ARHGEF33: variants seen among roughly 807,000 people sequenced by gnomAD.
The protein encoded by ARHGEF33 is DH and coiled-coil domain-containing protein ENSP00000381780.
Under a neutral mutation model 101.9 loss-of-function variants are expected in ARHGEF33, and 72 were observed. The ratio of observed to expected loss-of-function variants is 0.71; its 90% CI spans 0.58 to 0.86. The LOEUF is 0.86. Among genes scored for constraint, ARHGEF33 ranks in the 40% least tolerant of loss-of-function variants. The probability of loss-of-function intolerance (pLI) is 0.00; values close to 1 mark genes in which losing one functional copy is unlikely to be tolerated. For synonymous variants in ARHGEF33, 499 were observed against 442.5 expected, an observed-to-expected ratio of 1.13 and a Z score of -1.60; for missense variants, 1,169 against 1,111.3, an observed-to-expected ratio of 1.05 and a Z score of -0.74.
At chr2:38,919,965 C>T (rs1358215028) in intron 3 of ARHGEF33, among the ~76,000 whole-genome samples, 2 of 152,144 alleles carry the variant, frequency 1.3e-5, no homozygotes, top group African/African-American at 2.4e-5. Flanking sequence ...GTTATTATAC[C>T]AGGCTGTTGG....
At chr2:38,898,474 G>A (rs1666168533) in intron 2 of ARHGEF33, among the ~76,000 whole-genome samples, 1 of 152,190 alleles carries the variant, frequency 6.6e-6, no homozygotes, top group South Asian at 2.1e-4. Flanking sequence ...GATGGGCCAC[G>A]TGACTTCCCA....
chr2:38,959,112 C>T (rs1466085008), intron 15 of ARHGEF33, among the ~76,000 whole-genome samples: 1 of 152,224 alleles, frequency 6.6e-6, no homozygotes, highest in Non-Finnish European at 1.5e-5. Context: ...AAGTCCAGAA[C>T]AACTGGACAT....
At chr2:38,929,681 T>C (rs1666950098) in intron 5 of ARHGEF33, 28 bp from the exon 6 acceptor site, 1 of 1,547,158 alleles carries the variant, frequency 6.5e-7, no homozygotes, top group Non-Finnish European at 8.7e-7. Context: ...ATGTACCACG[T>C]TAAAACATAG....
chr2:38,919,795 C>T (rs1666714676), intron 3 of ARHGEF33, among the ~76,000 whole-genome samples: 1 of 152,182 alleles, frequency 6.6e-6, no homozygotes, highest in African/African-American at 2.4e-5. Context: ...AATGCTTTCT[C>T]TTTTAATCTT....
chr2:38,967,701 G>A (rs1233185604), intron 17 of ARHGEF33, among the ~76,000 whole-genome samples: 3 of 151,442 alleles, frequency 2.0e-5, no homozygotes, highest in Admixed American at 6.6e-5. Flanking sequence ...CCTGCCTCCT[G>A]AGTAGCTGGG....
intron 17 of ARHGEF33, 68 bp from the exon 18 acceptor site, chr2:38,973,642 GGATA>G: frequency 1.4e-6 from 2 of 1,400,068 alleles, no homozygotes; most frequent in Non-Finnish European, 1.9e-6. Context: ...AAAACAATTG[GGATA>G]GATAAAAATA....
At chr2:38,897,105 G>A (rs1461844327) in intron 2 of ARHGEF33, among the ~76,000 whole-genome samples, 3 of 151,964 alleles carry the variant, frequency 2.0e-5, no homozygotes, top group Non-Finnish European at 4.4e-5. Flanking sequence ...CAGTAGAGAT[G>A]GAGTTTCATC....
intron 16 of ARHGEF33, among the ~76,000 whole-genome samples, chr2:38,963,961 C>G (rs902108180): frequency 6.6e-6 from 1 of 152,076 alleles, no homozygotes; most frequent in Non-Finnish European, 1.5e-5. Flanking sequence ...TACTTTATTT[C>G]TGTTATTATT....
At chr2:38,929,501 T>C (rs1160359325) in intron 5 of ARHGEF33, among the ~76,000 whole-genome samples, 1 of 152,112 alleles carries the variant, frequency 6.6e-6, no homozygotes, top group East Asian at 1.9e-4. Context: ...GGGCCATCCA[T>C]AGTTATCATG....
In ARHGEF33 at chr2:38,935,844, T is replaced by C. The variant is rs1181315042; in HGVS notation, c.565+10T>C. The C allele has an allele frequency of 6.5e-7, 1 of 1,544,858 alleles. No individual in the cohort carries two copies. The highest frequency in any genetic ancestry group is 1.4e-5 in the African/African-American group (1 of 73,040). ...GGAATGATGGGTCCTGGTAAGTGAC[T>C]CTTCTCTTAGTTTTCTTTTCTTCCA... is the stretch of plus-strand genomic sequence containing the variant. On this transcript the variant is annotated intron_variant, in intron 8 of 17. Transcript: ENST00000409978.
intron 2 of ARHGEF33, among the ~76,000 whole-genome samples, chr2:38,914,200 T>C (rs1405108523): frequency 6.6e-6 from 1 of 152,204 alleles, no homozygotes; most frequent in Non-Finnish European, 1.5e-5. Context: ...CCTAGCCACA[T>C]CTATGGAAAC....
intron 16 of ARHGEF33, among the ~76,000 whole-genome samples, chr2:38,962,254 C>T (rs1345755677): frequency 6.6e-6 from 1 of 152,114 alleles, no homozygotes; most frequent in African/African-American, 2.4e-5. Flanking sequence ...ATTATAGTGC[C>T]AATTCAGTGT....
chr2:38,946,377 A>G (rs1467206855), intron 10 of ARHGEF33, among the ~76,000 whole-genome samples: 3 of 152,234 alleles, frequency 2.0e-5, no homozygotes, highest in Non-Finnish European at 4.4e-5. Context: ...GATCATAGTT[A>G]TTTCAAGATA....
At chr2:38,918,949 G>A (rs1347165986) in intron 2 of ARHGEF33, among the ~76,000 whole-genome samples, 1 of 152,022 alleles carries the variant, frequency 6.6e-6, no homozygotes, top group Non-Finnish European at 1.5e-5. Context: ...GGGAGGCTGA[G>A]GTGGGAGGAC....
At chr2:38,950,776 T>C (rs1395530462) in intron 10 of ARHGEF33, among the ~76,000 whole-genome samples, 1 of 152,186 alleles carries the variant, frequency 6.6e-6, no homozygotes, top group African/African-American at 2.4e-5. Flanking sequence ...TAGAAGCCAT[T>C]AGTAAAGGTT....
At chr2:38,922,211 A>G (rs373646696) in intron 4 of ARHGEF33, among the ~76,000 whole-genome samples, 32 of 152,188 alleles carry the variant, frequency 2.1e-4, no homozygotes, top group Non-Finnish European at 3.4e-4. Flanking sequence ...GCTTCTCTCC[A>G]GACTTCAGGC....
At chr2:38,944,310 C>T (rs1323895086) in intron 10 of ARHGEF33, among the ~76,000 whole-genome samples, 1 of 152,138 alleles carries the variant, frequency 6.6e-6, no homozygotes. Context: ...TCTCTGGTTC[C>T]AAGATGGCAC....
intron 2 of ARHGEF33, among the ~76,000 whole-genome samples, chr2:38,918,422 G>A (rs1053803902): frequency 2.3e-4 from 35 of 152,260 alleles, no homozygotes; most frequent in Non-Finnish European, 4.3e-4. Flanking sequence ...AGAACCTGGC[G>A]TTTTCAGCCT....
intron 16 of ARHGEF33, among the ~76,000 whole-genome samples, chr2:38,963,138 A>G (rs976875623): frequency 6.6e-6 from 1 of 152,108 alleles, no homozygotes; most frequent in African/African-American, 2.4e-5. Flanking sequence ...ATGTATGTGC[A>G]CGTCTGCATG....
Sources: allele counts gnomAD v4.1 joint callset (sites outside exome capture counted in the v4.1 genomes callset), GRCh38; gene constraint gnomAD v4.1.1; transcripts MANE v1.5; gene names NCBI Gene and HGNC (gene_info 2026-07-23, HGNC 2026-07-21).